PREX2: variants seen among roughly 807,000 people sequenced by gnomAD.
PREX2 encodes the protein phosphatidylinositol 3,4,5-trisphosphate-dependent Rac exchanger 2 protein.
Under a neutral mutation model 203.2 loss-of-function variants are expected in PREX2, and 107 were observed. The observed-to-expected ratio is 0.53, with a 90% CI of 0.45 to 0.62. The LOEUF is 0.62. Ranked by LOEUF, PREX2 falls within the 20% of genes least tolerant of loss-of-function variation. The pLI, the probability that PREX2 is intolerant of heterozygous loss-of-function variation, is 0.00. For missense variants in PREX2, 1,777 were observed against 1,955.9 expected, an observed-to-expected ratio of 0.91 and a Z score of 1.72; for synonymous variants, 672 against 663.6, an observed-to-expected ratio of 1.01 and a Z score of -0.19.
intron 4 of PREX2, among the ~76,000 whole-genome samples, chr8:68,024,153 CATATG>C (rs1169555727): frequency 6.6e-6 from 1 of 151,890 alleles, no homozygotes; most frequent in Non-Finnish European, 1.5e-5. Context: ...ATTTCTAGTT[CATATG>C]ATATGATGTG....
intron 5 of PREX2, among the ~76,000 whole-genome samples, chr8:68,028,952 G>A (rs1001463350): frequency 1.3e-5 from 2 of 151,978 alleles, no homozygotes; most frequent in African/African-American, 4.8e-5. Context: ...GTGGATGGAT[G>A]ACCTCCTTTC....
chr8:68,216,975 A>C (rs1416254872), intron 37 of PREX2, among the ~76,000 whole-genome samples: 11 of 151,882 alleles, frequency 7.2e-5, no homozygotes, highest in South Asian at 4.2e-4. Context: ...AAACAAAAAA[A>C]AAAAAAAAAA....
At chr8:68,033,484 G>A (rs1279558768) in intron 6 of PREX2, among the ~76,000 whole-genome samples, 3 of 152,090 alleles carry the variant, frequency 2.0e-5, no homozygotes, top group Admixed American at 6.6e-5. Flanking sequence ...AGTACTTAGG[G>A]TTATATGGTT....
chr8:68,198,584 CA>C (rs1812444072), intron 37 of PREX2, among the ~76,000 whole-genome samples: 2 of 152,076 alleles, frequency 1.3e-5, no homozygotes, highest in Admixed American at 1.3e-4. Context: ...TTTCTTTAAC[CA>C]ATATAAATCA....
intron 11 of PREX2, among the ~76,000 whole-genome samples, chr8:68,061,187 G>A (rs1808839824): frequency 6.6e-6 from 1 of 152,176 alleles, no homozygotes. Flanking sequence ...ACAGCACTCC[G>A]GCACGGTGGC....
chr8:68,093,020 T>C (rs1320194821), intron 20 of PREX2, among the ~76,000 whole-genome samples: 1 of 152,192 alleles, frequency 6.6e-6, no homozygotes, highest in African/African-American at 2.4e-5. Flanking sequence ...TTAAGTAAGA[T>C]ATTTTGGAAT....
intron 1 of PREX2, among the ~76,000 whole-genome samples, chr8:68,005,915 A>T (rs1373364765): frequency 6.6e-6 from 1 of 152,234 alleles, no homozygotes; most frequent in Non-Finnish European, 1.5e-5. Flanking sequence ...TGCAATAAGG[A>T]TATTATTCCT....
At chr8:67,968,232 TGG>T (rs933570420) in intron 1 of PREX2, among the ~76,000 whole-genome samples, 1 of 152,070 alleles carries the variant, frequency 6.6e-6, no homozygotes, top group African/African-American at 2.4e-5. Context: ...TGCCAGCGAC[TGG>T]GGAGGGGAAA....
At chr8:68,140,294 C>T (rs1022179292) in intron 33 of PREX2, among the ~76,000 whole-genome samples, 5 of 152,180 alleles carry the variant, frequency 3.3e-5, no homozygotes, top group Non-Finnish European at 5.9e-5. Context: ...CTCTTCAAAG[C>T]GTAACCTCAA....
rs753865918 is a variant in PREX2, at chr8:68,038,274, A to G, written c.821A>G (p.Tyr274Cys). 6.2e-6 allele frequency: 10 copies of G among 1,613,656 alleles called. No individual in the cohort carries two copies. The South Asian group carries it at 9.9e-5, about 16-fold the overall frequency. The change falls in exon 7 of 40, where the codon TAC (tyrosine) becomes TGC (cysteine). Residue 274 changes from tyrosine (Y) to cysteine (C), a missense_variant. Tyr to Cys is a radical substitution (Grantham distance 194). Transcript: ENST00000288368. ...VFFLFDNLLV[Y>C]CKRKHRRLKN... The stretch of plus-strand genomic sequence containing the variant: ...TTTCTTTTCGATAATCTTTTGGTGT[A>G]CTGCAAAAGAAAACACAGGTAAGAT...
intron 34 of PREX2, among the ~76,000 whole-genome samples, chr8:68,151,038 T>C (rs1250836403): frequency 1.3e-4 from 20 of 152,154 alleles, no homozygotes; most frequent in Non-Finnish European, 2.4e-4. Flanking sequence ...GCCCTCTTCT[T>C]ATAGGGGCAC....
chr8:68,172,347 G>A (rs1811893221), intron 35 of PREX2, among the ~76,000 whole-genome samples: 1 of 152,084 alleles, frequency 6.6e-6, no homozygotes, highest in African/African-American at 2.4e-5. Flanking sequence ...AAAGAACTGC[G>A]GGTACTTGCA....
rs114122404 is a variant in PREX2 at position 68,026,057 on chromosome 8, T to C, written c.442-1165T>C. Among the ~76,000 whole-genome samples the C allele has an allele frequency of 5.8e-3, 884 of 152,190 alleles. 7 individuals carry two copies. The highest frequency in any genetic ancestry group is 0.02 in the African/African-American group (840 of 41,534). On this transcript the variant is annotated intron_variant, in intron 4 of 39. Coordinates refer to ENST00000288368, the MANE Select transcript of PREX2 (RefSeq NM_024870.4). ...AGGATTCCTCTGGGGGAAAATACCA[T>C]ATATAGTTTGAAAGAATATTTTGAT...
At chr8:68,020,660 G>A (rs982603224) in intron 3 of PREX2, among the ~76,000 whole-genome samples, 2 of 152,138 alleles carry the variant, frequency 1.3e-5, no homozygotes, top group Non-Finnish European at 2.9e-5. Context: ...ATCAAGCTGT[G>A]TTTTTCTTGG....
intron 37 of PREX2, among the ~76,000 whole-genome samples, chr8:68,217,185 T>C (rs1012640048): frequency 6.6e-6 from 1 of 152,322 alleles, no homozygotes; most frequent in East Asian, 1.9e-4. Flanking sequence ...CAGTAAATAG[T>C]AATTTCACCA....
intron 35 of PREX2, among the ~76,000 whole-genome samples, chr8:68,163,447 A>G (rs1410350652): frequency 1.3e-5 from 2 of 152,230 alleles, no homozygotes; most frequent in African/African-American, 4.8e-5. Context: ...ATGAATTTCA[A>G]GGTAACACAA....
chr8:68,048,312 C>T (rs867663544), intron 8 of PREX2, among the ~76,000 whole-genome samples: 5 of 151,994 alleles, frequency 3.3e-5, no homozygotes, highest in Admixed American at 6.6e-5. Flanking sequence ...GAAAGCCATT[C>T]GGAAAGTAGT....
At chr8:68,146,147 C>CAA in intron 33 of PREX2, 62 bp from the exon 34 acceptor site, 1 of 1,196,706 alleles carries the variant, frequency 8.4e-7, no homozygotes, top group Non-Finnish European at 1.2e-6. Flanking sequence ...TGAAAGTTAA[C>CAA]AAAAGTACCA....
At chr8:68,090,126 GATTTTCTTTTTT>G (rs1470784920) in intron 19 of PREX2, among the ~76,000 whole-genome samples, 1 of 152,072 alleles carries the variant, frequency 6.6e-6, no homozygotes, top group East Asian at 1.9e-4. Flanking sequence ...TTCTCTTAAG[GATTTTCTTTTTT>G]ATGTGCATGT....
Sources: allele counts gnomAD v4.1 joint callset (sites outside exome capture counted in the v4.1 genomes callset), GRCh38; gene constraint gnomAD v4.1.1; transcripts MANE v1.5; gene names NCBI Gene and HGNC (gene_info 2026-07-23, HGNC 2026-07-21).